The following VPS11 variants were observed in gnomAD, a reference collection of about 807,000 sequenced individuals.
VPS11 encodes vacuolar protein sorting-associated protein 11 homolog.
In VPS11, 51 loss-of-function variants were observed where a neutral mutation model predicts 106.8. The ratio of observed to expected loss-of-function variants is 0.48; its 90% CI spans 0.38 to 0.60. The LOEUF is 0.60. VPS11 is among the 20% of genes least tolerant of loss of function. VPS11 has a pLI of 0.00. For missense variants in VPS11, 950 were observed against 1,190.0 expected, an observed-to-expected ratio of 0.80 and a Z score of 2.97; for synonymous variants, 453 against 458.7, an observed-to-expected ratio of 0.99 and a Z score of 0.16.
Position 119,077,501 on chromosome 11 carries a change from A to G in VPS11, c.1426A>G (p.Lys476Glu). ...DSSKLEEFIK[K>E]KSESEVHFDV... ...ATTTTGTCTCATGTCTCCCTGGCAGAAAAAGAGTGAGAGTGAAGTCCACTT... is the reference window on the plus strand; with the variant it reads ...ATTTTGTCTCATGTCTCCCTGGCAGGAAAAGAGTGAGAGTGAAGTCCACTT... The change falls in exon 9 of 16, where the codon AAA becomes GAA. Residue 476 changes from lysine to glutamate, a missense_variant and splice_region_variant. Coordinates refer to ENST00000621676, the MANE Select transcript of VPS11 (RefSeq NM_021729.6). 6.2e-7 allele frequency: 1 copy of G among 1,613,012 alleles called. No homozygotes were observed. The highest frequency in any genetic ancestry group is 8.5e-7 in the Non-Finnish European group (1 of 1,179,386).
chr11:119,080,084 A>T (rs185129675), intron 14 of VPS11, among the ~76,000 whole-genome samples: 1 of 152,210 alleles, frequency 6.6e-6, no homozygotes, highest in Non-Finnish European at 1.5e-5. Context: ...TTTGAGATAG[A>T]GTCTCACTCT....
At chr11:119,076,391 T>C (rs545575777) in intron 7 of VPS11, among the ~76,000 whole-genome samples, 8 of 152,044 alleles carry the variant, frequency 5.3e-5, no homozygotes, top group African/African-American at 1.9e-4. Context: ...CTGGGCATGG[T>C]GGCACATGCC....
chr11:119,069,085 G>T (rs1054941924), intron 1 of VPS11, 111 bp from the exon 2 acceptor site: 12 of 1,376,594 alleles, frequency 8.7e-6, no homozygotes, highest in Non-Finnish European at 1.2e-5. Flanking sequence ...TAAGGAGTAT[G>T]TGGGAAAATC....
chr11:119,078,949 G>A lies in VPS11; in HGVS notation c.2218G>A (p.Ala740Thr). ...GGAGGACTGCAAGGAGTATGTGGCA[G>A]CTGTCCTCAAGCATATCGAGAACAA... Reference protein sequence around the residue: ...KEEDCKEYVAAVLKHIENKNL... With the variant: ...KEEDCKEYVATVLKHIENKNL... Residue 740 changes from alanine (A) to threonine (T), a missense_variant, in exon 13 of 16, where the codon GCT becomes ACT. Around this residue, in one of 3 missense-constraint regions of VPS11, gnomAD observed 453 missense variants for 514.6 expected, o/e 0.88. Coordinates refer to ENST00000621676, the MANE Select transcript of VPS11 (RefSeq NM_021729.6). 2 of 1,614,076 alleles carry A rather than the reference G, an allele frequency of 1.2e-6. No homozygotes were observed. Among genetic ancestry groups the A allele is most frequent in the Middle Eastern group, 1.6e-4 (1 of 6,062 alleles).
At position 119,081,809 on chromosome 11, in the gene VPS11, T is replaced by C; in HGVS notation, c.*186T>C. On this transcript the variant is annotated 3_prime_UTR_variant, in exon 16 of 16. Coordinates refer to ENST00000621676, the MANE Select transcript of VPS11 (RefSeq NM_021729.6). Reference sequence around the variant, plus strand: ...TCTTATTTAGTCAGCTTGCCATCCCTCCTCTTCACTAGCAGTGTAGATCAT... The same window carrying C: ...TCTTATTTAGTCAGCTTGCCATCCCCCCTCTTCACTAGCAGTGTAGATCAT... The C allele has an allele frequency of 1.3e-6, 1 of 763,446 alleles. No individual in the cohort carries two copies. Among genetic ancestry groups the C allele is most frequent in the Non-Finnish European group, 2.1e-6 (1 of 486,214 alleles). The allele number at this position is 763,446 out of a possible 1,614,324, so 47.3% of individuals were successfully genotyped here.
chr11:119,080,654 C>T lies in VPS11; in HGVS notation c.2439-438C>T, dbSNP rs1339209527. On this transcript the variant is annotated intron_variant, in intron 14 of 15. Transcript: ENST00000621676. ...AAAGTGCTGGGATTACAGGTGTGAG[C>T]CACTGTGCCCAGCCAAATAGACAAA... Among the ~76,000 whole-genome samples the T allele has an allele frequency of 2.0e-5, 3 of 152,196 alleles. No homozygotes were observed. The East Asian group carries it at 5.8e-4, about 29-fold the overall frequency.
rs782581495 is a variant in VPS11, at chr11:119,079,428, G to A, written c.2438+128G>A. The A allele has an allele frequency of 3.3e-6, 4 of 1,213,162 alleles. 1 individual carries two copies. The highest frequency in any genetic ancestry group is 4.5e-6 in the Non-Finnish European group (4 of 898,824). The allele number at this position is 1,213,162 out of a possible 1,614,324, so 75.1% of individuals were successfully genotyped here. A position where few individuals can be genotyped will look rare whatever the true frequency, so the allele number is the denominator to read the frequency against. On this transcript the variant is annotated intron_variant, in intron 14 of 15. Transcript: ENST00000621676. ...TGAGCATTTTGATTCTTCAAGTTGT[G>A]TTTTAATTGAGGAATTCCAAAAAAT...
At chr11:119,071,106 T>G (rs1294098074) in intron 4 of VPS11, among the ~76,000 whole-genome samples, 1 of 151,936 alleles carries the variant, frequency 6.6e-6, no homozygotes, top group Non-Finnish European at 1.5e-5. Context: ...TTTTTGTATT[T>G]TTTCTAGATA....
Position 119,067,871 on chromosome 11 carries a change from G to C in VPS11, c.48G>C (p.Glu16Asp), listed in dbSNP as rs2133639268. Reference protein sequence around the residue: ...QWRRFVFFDKELVKEPLSNDG... With the variant: ...QWRRFVFFDKDLVKEPLSNDG... The stretch of plus-strand genomic sequence containing the variant: ...GGCGCTTCGTTTTCTTCGACAAGGA[G>C]CTGGTGAAGGAGCCGCTGAGCAATG... The change falls in exon 1 of 16, where the codon GAG becomes GAC. Residue 16 changes from glutamate to aspartate, a missense_variant. By Grantham distance (45) the Glu-to-Asp change is conservative. Transcript: ENST00000621676. 11 of 1,573,578 alleles carry C rather than the reference G, an allele frequency of 7.0e-6. No individual in the cohort carries two copies. The highest frequency in any genetic ancestry group is 9.5e-6 in the Non-Finnish European group (11 of 1,159,130).
rs782314006 is a variant in VPS11, at chr11:119,070,251, G to A, written c.490G>A (p.Val164Ile). The change falls in exon 4 of 16, where the codon GTT (valine) becomes ATT (isoleucine). Residue 164 changes from valine to isoleucine, a missense_variant. Physicochemically the swap from Val to Ile is conservative, Grantham distance 29. Coordinates refer to ENST00000621676, the MANE Select transcript of VPS11 (RefSeq NM_021729.6). ...TCTTACAGGTTTCACAGATGGCAGT[G>A]TTACATTGAACAAAGGAGACATCAC... The part of the protein sequence containing the change: ...FMAIGFTDGS[V>I]TLNKGDITRD... The A allele has an allele frequency of 2.1e-5, 34 of 1,611,530 alleles. No homozygotes were observed. In the Admixed American group the frequency reaches 5.5e-4, roughly 26 times the overall value.
chr11:119,078,335 G>T lies in VPS11; in HGVS notation c.1923+1G>T. The T allele has an allele frequency of 6.2e-7, 1 of 1,609,244 alleles. No homozygotes were observed. The highest frequency in any genetic ancestry group is 1.1e-5 in the South Asian group (1 of 91,062). Reference sequence around the variant, plus strand: ...CTGGGCCCACGAGAAGGATCCACAGGTGAGGCCTGGCCAGGGCTTCAGGAG... The same window carrying T: ...CTGGGCCCACGAGAAGGATCCACAGTTGAGGCCTGGCCAGGGCTTCAGGAG... On this transcript the variant is annotated splice_donor_variant, in intron 11 of 15. Transcript: ENST00000621676. LOFTEE classifies it high-confidence loss of function.
In VPS11 at chr11:119,076,991, C is replaced by T. The variant is rs1945645183; in HGVS notation, c.1333C>T (p.Arg445Ter). Residue 445 changes from arginine to a stop codon, truncating the protein, a stop_gained, in exon 8 of 16, where the codon CGA (arginine) becomes TGA (stop). Coordinates refer to ENST00000621676, the MANE Select transcript of VPS11 (RefSeq NM_021729.6). LOFTEE classifies it high-confidence loss of function. ...GACTGCCTACCTGCAGACCCTGCAC[C>T]GACAATCCCTGGCCAATGCCGACCA... is the stretch of plus-strand genomic sequence containing the variant. ...NLTAYLQTLH[R>*]QSLANADHTT... 7 of 1,613,894 alleles carry T rather than the reference C, an allele frequency of 4.3e-6. No homozygotes were observed. The highest frequency in any genetic ancestry group is 1.1e-5 in the South Asian group (1 of 91,050).
chr11:119,078,169 C>T lies in VPS11; in HGVS notation c.1762-4C>T. On this transcript the variant is annotated splice_region_variant and splice_polypyrimidine_tract_variant and intron_variant, in intron 10 of 15. Coordinates refer to ENST00000621676, the MANE Select transcript of VPS11 (RefSeq NM_021729.6). ...GCCTCCTTTTTCCTCTCTTGCCATC[C>T]TAGGCCAACTCTGAGGAGTTCATCC... is the stretch of plus-strand genomic sequence containing the variant. The T allele has an allele frequency of 7.4e-6, 12 of 1,612,724 alleles. No individual in the cohort carries two copies. The highest frequency in any genetic ancestry group is 9.3e-6 in the Non-Finnish European group (11 of 1,179,814).
chr11:119,073,484 T>C (rs1592187010), intron 6 of VPS11, 85 bp downstream of exon 6: 4 of 1,492,292 alleles, frequency 2.7e-6, no homozygotes, highest in African/African-American at 1.4e-5. Context: ...TTGGCCAGGG[T>C]GTTTCCCTCC....
At chr11:119,080,476 C>T (rs1039718067) in intron 14 of VPS11, among the ~76,000 whole-genome samples, 2 of 151,850 alleles carry the variant, frequency 1.3e-5, no homozygotes, top group African/African-American at 4.8e-5. Context: ...TCAAGCGATT[C>T]TCCTGCCTTG....
At position 119,067,848 on chromosome 11, in the gene VPS11, C is replaced by T; in HGVS notation, c.25C>T (p.Arg9Cys). The T allele has an allele frequency of 3.2e-6, 5 of 1,553,358 alleles. No homozygotes were observed. Among genetic ancestry groups the T allele is most frequent in the East Asian group, 2.4e-5 (1 of 41,410 alleles). The change falls in exon 1 of 16, where the codon CGC becomes TGC. Residue 9 changes from arginine (R) to cysteine (C), a missense_variant. Arg to Cys is a radical substitution (Grantham distance 180, BLOSUM62 -3). This residue lies in a region of VPS11 where 62 missense variants were observed against 45.1 expected (regional missense o/e 1.37). Coordinates refer to ENST00000621676, the MANE Select transcript of VPS11 (RefSeq NM_021729.6). ...AATGGCGGCCTACCTGCAGTGGCGGCGCTTCGTTTTCTTCGACAAGGAGCT... is the reference window on the plus strand; with the variant it reads ...AATGGCGGCCTACCTGCAGTGGCGGTGCTTCGTTTTCTTCGACAAGGAGCT... The part of the protein sequence containing the change: MAAYLQWR[R>C]FVFFDKELVK...
rs563122679 is a variant in VPS11 at position 119,072,692 on chromosome 11, GTTTTGTT to G, written c.885-501_885-495del. ...GGCGTGAGCCACTGCGCCCGGCCTT[GTTTTGTT>G]TTTTAACTCTTTTGTCAAAATAAAT... On this transcript the variant is annotated intron_variant, in intron 5 of 15. Transcript: ENST00000621676. The G allele has an allele frequency of 8.7e-4, 140 of 160,048 alleles. No individual in the cohort carries two copies. The East Asian group carries it at 0.015, about 18-fold the overall frequency. 9.9% of individuals were successfully genotyped at this position (160,048 alleles called of 1,614,324 possible).
chr11:119,068,145 C>A, intron 1 of VPS11, 135 bp downstream of exon 1: 1 of 1,035,498 alleles, frequency 9.7e-7, no homozygotes, highest in Non-Finnish European at 1.3e-6. Flanking sequence ...GTTCTGTGGT[C>A]TACGGGAAGA....
chr11:119,078,474 T>C (rs997891786), intron 11 of VPS11, 91 bp from the exon 12 acceptor site: 4 of 1,578,650 alleles, frequency 2.5e-6, no homozygotes, highest in Admixed American at 3.4e-5. Flanking sequence ...GAAGAGGGAA[T>C]GGACTGAGGG....
Sources: allele counts gnomAD v4.1 joint callset (sites outside exome capture counted in the v4.1 genomes callset), GRCh38; gene constraint gnomAD v4.1.1; regional missense constraint gnomAD v4.1.1; transcripts MANE v1.5; gene names NCBI Gene and HGNC (gene_info 2026-07-23, HGNC 2026-07-21).